Variants in EIF4G3 observed in about 807,000 individuals in gnomAD.
EIF4G3 encodes eIF-4-gamma 3.
EIF4G3 carries 34 observed loss-of-function variants against 186.4 expected under a neutral mutation model. The observed-to-expected ratio is 0.18, with a 90% confidence interval of 0.14 to 0.24. EIF4G3 has a LOEUF of 0.24. Among genes scored for constraint, EIF4G3 ranks in the 10% least tolerant of loss-of-function variants. EIF4G3 has a pLI of 1.00. For synonymous variants in EIF4G3, 673 were observed against 679.5 expected, an observed-to-expected ratio of 0.99 and a Z score of 0.15; for missense variants, 1,536 against 1,948.5, an observed-to-expected ratio of 0.79 and a Z score of 3.99.
At chr1:21,161,320 A>G (rs1256194947) in intron 2 of EIF4G3, among the ~76,000 whole-genome samples, 1 of 151,820 alleles carries the variant, frequency 6.6e-6, no homozygotes, top group African/African-American at 2.4e-5. Flanking sequence ...CCTGGCCAAC[A>G]TGACAAAACC....
chr1:20,913,345 A>G (rs554479793), intron 14 of EIF4G3, among the ~76,000 whole-genome samples: 2 of 152,284 alleles, frequency 1.3e-5, no homozygotes, highest in South Asian at 4.1e-4. Flanking sequence ...GACTAGCCTG[A>G]GCAACATAGT....
rs1341134896 is a variant in EIF4G3 at position 21,176,675 on chromosome 1, A to G, written c.-456+47T>C. The G allele has an allele frequency of 1.6e-5, 8 of 506,626 alleles. 1 individual carries two copies. Among genetic ancestry groups the G allele is most frequent in the South Asian group, 4.1e-5 (2 of 48,810 alleles). The allele number at this position is 506,626 out of a possible 1,614,324, so 31.4% of individuals were successfully genotyped here. The stretch of plus-strand genomic sequence containing the variant: ...CCGGTCTCCGTGACAACGCGACCCC[A>G]GGGGGGGGGCCGGACCCGGCGGGGG... On this transcript the variant is annotated intron_variant, in intron 1 of 36. Transcript: ENST00000602326.
At chr1:21,006,976 C>CA (rs746685609) in intron 4 of EIF4G3, among the ~76,000 whole-genome samples, 14 of 152,132 alleles carry the variant, frequency 9.2e-5, no homozygotes, top group Non-Finnish European at 1.5e-4. Flanking sequence ...GATGAAATGC[C>CA]ATTTCTCGTT....
At chr1:20,978,578 G>A (rs1268591914) in intron 10 of EIF4G3, among the ~76,000 whole-genome samples, 2 of 151,022 alleles carry the variant, frequency 1.3e-5, no homozygotes, top group Non-Finnish European at 2.9e-5. Context: ...GCACTGTCCT[G>A]CTTCATGTCA....
intron 14 of EIF4G3, among the ~76,000 whole-genome samples, chr1:20,910,136 G>A (rs1022627379): frequency 2.6e-5 from 4 of 152,060 alleles, no homozygotes; most frequent in Non-Finnish European, 4.4e-5. Flanking sequence ...TTAGTGCTAC[G>A]TAGCAGGATA....
intron 6 of EIF4G3, chr1:20,999,696 CCTAGT>C (rs1179486420): frequency 1.3e-5 from 6 of 449,436 alleles, no homozygotes; most frequent in South Asian, 9.6e-5. Flanking sequence ...AGGAAAGTAC[CCTAGT>C]CTATTTTGCA....
At chr1:20,909,047 G>C (rs1275005311) in intron 14 of EIF4G3, among the ~76,000 whole-genome samples, 1 of 152,078 alleles carries the variant, frequency 6.6e-6, no homozygotes, top group African/African-American at 2.4e-5. Context: ...AGCTACTCGG[G>C]AGGCTGAGGC....
chr1:21,120,378 A>G (rs1177335741), intron 2 of EIF4G3, among the ~76,000 whole-genome samples: 2 of 151,866 alleles, frequency 1.3e-5, no homozygotes, highest in Non-Finnish European at 2.9e-5. Flanking sequence ...ATAAAAATCT[A>G]TGTCCAGGCG....
At chr1:21,043,844 T>C (rs1316238298) in intron 4 of EIF4G3, among the ~76,000 whole-genome samples, 3 of 149,016 alleles carry the variant, frequency 2.0e-5, no homozygotes, top group Non-Finnish European at 3.0e-5. Context: ...GCACTCCAGT[T>C]TGGGTGACAG....
chr1:20,992,994 A>G (rs950492289), intron 7 of EIF4G3, among the ~76,000 whole-genome samples: 6 of 152,210 alleles, frequency 3.9e-5, no homozygotes, highest in African/African-American at 1.4e-4. Flanking sequence ...AATAGTTGAC[A>G]TATTTCTAAA....
At chr1:21,054,441 GCGAGAAACACCC>G (rs1395976707) in intron 3 of EIF4G3, among the ~76,000 whole-genome samples, 1 of 148,466 alleles carries the variant, frequency 6.7e-6, no homozygotes, top group Middle Eastern at 3.5e-3. Context: ...ATCCCCCTCT[GCGAGAAACACCC>G]AAGAATGATC....
rs898921288 is a variant in EIF4G3 at position 21,103,055 on chromosome 1, A to G, written c.-271-13842T>C. On this transcript the variant is annotated intron_variant, in intron 2 of 36. Coordinates refer to ENST00000602326, the MANE Select transcript of EIF4G3 (RefSeq NM_001391906.1). ...TTTGGATGTATTTTTTAAATTGATA[A>G]TATTTGTAAAAGCACATGGATCTCC... Among the ~76,000 whole-genome samples, 7 of 152,332 alleles carry G rather than the reference A, an allele frequency of 4.6e-5. No individual in the cohort carries two copies. The South Asian group carries it at 1.4e-3, about 32-fold the overall frequency.
intron 17 of EIF4G3, among the ~76,000 whole-genome samples, chr1:20,894,406 T>C (rs2087197225): frequency 6.6e-6 from 1 of 152,192 alleles, no homozygotes; most frequent in South Asian, 2.1e-4. Flanking sequence ...CTCACATAAG[T>C]ATCTAGGAGA....
At chr1:20,998,101 C>T (rs1435226853) in intron 6 of EIF4G3, among the ~76,000 whole-genome samples, 2 of 151,788 alleles carry the variant, frequency 1.3e-5, no homozygotes, top group African/African-American at 2.4e-5. Context: ...AAGTAAAAAA[C>T]GTAACACAAT....
At chr1:21,116,393 C>T (rs2096823658) in intron 2 of EIF4G3, among the ~76,000 whole-genome samples, 1 of 152,046 alleles carries the variant, frequency 6.6e-6, no homozygotes, top group African/African-American at 2.4e-5. Flanking sequence ...CATGTAACAT[C>T]AAGGGTAATC....
rs144549021 is a variant in EIF4G3 at position 21,168,734 on chromosome 1, T to C, written c.-272+7441A>G. ...AACCACCACACCTGGCCAAAAAAAG[T>C]ACTTTTCATGGCAGATACTTAGGTA... is the stretch of plus-strand genomic sequence containing the variant. On this transcript the variant is annotated intron_variant, in intron 2 of 36. Transcript: ENST00000602326. 4.7e-4 allele frequency among the ~76,000 whole-genome samples: 72 copies of C among 152,064 alleles called. 2 individuals are homozygous for C. Among genetic ancestry groups the C allele is most frequent in the African/African-American group, 1.6e-3 (66 of 41,480 alleles).
intron 2 of EIF4G3, among the ~76,000 whole-genome samples, chr1:21,133,515 G>T (rs766477029): frequency 7.9e-5 from 12 of 152,046 alleles, no homozygotes; most frequent in Non-Finnish European, 1.0e-4. Context: ...ATGAGCCACC[G>T]CGCCCAGCCT....
At chr1:20,899,413 T>A (rs2089560016) in intron 16 of EIF4G3, among the ~76,000 whole-genome samples, 1 of 152,164 alleles carries the variant, frequency 6.6e-6, no homozygotes, top group Non-Finnish European at 1.5e-5. Flanking sequence ...CAATAATTTT[T>A]AAAATCAAAC....
intron 4 of EIF4G3, among the ~76,000 whole-genome samples, chr1:21,033,824 A>G (rs2092952632): frequency 6.6e-6 from 1 of 152,210 alleles, no homozygotes; most frequent in Non-Finnish European, 1.5e-5. Context: ...GTGATAGCTT[A>G]TGCCTGTAAT....
Sources: gnomAD v4.1 joint callset for allele counts (sites outside exome capture counted in the v4.1 genomes callset) on GRCh38, gnomAD v4.1.1 for gene constraint, MANE v1.5 for transcripts, NCBI Gene and HGNC (gene_info 2026-07-23, HGNC 2026-07-21) for gene names.